The following DPH6 variants were observed in gnomAD, a reference collection of about 807,000 sequenced individuals.
DPH6 encodes the protein diphthamine biosynthesis 6, also known as diphthine--ammonia ligase.
DPH6 carries 33 observed loss-of-function variants against 38.2 expected under a neutral mutation model. The observed-to-expected ratio is 0.86, with a 90% CI of 0.65 to 1.15. The LOEUF (loss-of-function observed/expected upper bound fraction) is 1.15. Among genes scored for constraint, DPH6 ranks in the 50% most tolerant of loss-of-function variants. The pLI is 0.00. For missense variants in DPH6, 325 were observed against 320.0 expected (o/e 1.02, Z -0.12); for synonymous variants, 108 against 103.0 (o/e 1.05, Z -0.30).
At position 35,310,216 on chromosome 15, in the gene DPH6, T is replaced by A. The variant is rs545996103; in HGVS notation, n.200+63305A>T. Among the ~76,000 whole-genome samples the A allele has an allele frequency of 3.0e-4, 46 of 152,296 alleles. 1 individual carries two copies. The highest frequency in any genetic ancestry group is 1.1e-3 in the Admixed American group (17 of 15,294). On this transcript the variant is annotated intron_variant and non_coding_transcript_variant, in intron 3 of 3. Transcript: ENST00000560386. ...GACAGTGGGATTCATTTCACAAAAA[T>A]GGCATTTTTGCAAAATAATTGAAGC...
chr15:35,427,124 G>C lies in DPH6; in HGVS notation c.506-16228C>G, dbSNP rs78685762. Among the ~76,000 whole-genome samples, 508 of 151,982 alleles carry C rather than the reference G, an allele frequency of 3.3e-3. 14 individuals are homozygous for C. The East Asian group carries it at 0.087, about 26-fold the overall frequency. Reference sequence around the variant, plus strand: ...GGTAATGAGGACAGCAAGTAAAGAGGATGTGAGGTTTAGAGGATGTAAGAA... The same window carrying C: ...GGTAATGAGGACAGCAAGTAAAGAGCATGTGAGGTTTAGAGGATGTAAGAA... On this transcript the variant is annotated intron_variant, in intron 5 of 8. Transcript: ENST00000256538.
chr15:35,426,867 A>T (rs2053575954), intron 5 of DPH6, among the ~76,000 whole-genome samples: 2 of 134,788 alleles, frequency 1.5e-5, no homozygotes, highest in Non-Finnish European at 3.2e-5. Context: ...TGGATGGTTT[A>T]AAAAAAAAAA....
intron 3 of DPH6, among the ~76,000 whole-genome samples, chr15:35,295,093 C>T (rs150301132): frequency 5.9e-5 from 9 of 152,274 alleles, no homozygotes; most frequent in African/African-American, 1.4e-4. Context: ...CTCACCTCTA[C>T]GAACTAGCTA....
intron 3 of DPH6, among the ~76,000 whole-genome samples, chr15:35,228,989 G>A (rs1326904788): frequency 2.6e-5 from 4 of 152,008 alleles, no homozygotes; most frequent in African/African-American, 9.7e-5. Flanking sequence ...CTTTATCCTT[G>A]ACCTTTGAAA....
the DPH6 span, among the ~76,000 whole-genome samples, chr15:35,185,724 CTTTTTTTT>C: frequency 1.4e-3 from 118 of 83,026 alleles, 1 homozygote; most frequent in Non-Finnish European, 2.3e-3. Context: ...CCAATCCACT[CTTTTTTTT>C]TTTTTTTTTT....
At chr15:35,292,470 A>G (rs541604860) in intron 3 of DPH6, among the ~76,000 whole-genome samples, 1 of 152,280 alleles carries the variant, frequency 6.6e-6, no homozygotes, top group East Asian at 1.9e-4. Flanking sequence ...AATATTTGAT[A>G]TTATTTTCCC....
chr15:35,511,924 T>C (rs1264793544), intron 3 of DPH6, among the ~76,000 whole-genome samples: 1 of 152,186 alleles, frequency 6.6e-6, no homozygotes, highest in Non-Finnish European at 1.5e-5. Flanking sequence ...TATTATAATA[T>C]TTAATCCAGT....
intron 7 of DPH6, among the ~76,000 whole-genome samples, chr15:35,380,574 T>C (rs1307161155): frequency 6.6e-6 from 1 of 152,182 alleles, no homozygotes; most frequent in Admixed American, 6.5e-5. Context: ...GTTAGTCCTA[T>C]ATTAACAAGT....
intron 3 of DPH6, among the ~76,000 whole-genome samples, chr15:35,343,667 CTAACT>C (rs1257570848): frequency 1.3e-5 from 2 of 151,922 alleles, no homozygotes; most frequent in Non-Finnish European, 2.9e-5. Context: ...AGTTTAAAGG[CTAACT>C]TAACAAATAT....
At chr15:35,534,113 C>G (rs940363541) in intron 3 of DPH6, among the ~76,000 whole-genome samples, 6 of 152,042 alleles carry the variant, frequency 3.9e-5, no homozygotes, top group Admixed American at 3.9e-4. Context: ...AGCGGTGGCT[C>G]ATGCCTGTAA....
At chr15:35,213,107 ATAGCTAG>A (rs1387157598), downstream of DPH6, among the ~76,000 whole-genome samples, 2 of 152,220 alleles carry the variant, frequency 1.3e-5, no homozygotes, top group African/African-American at 4.8e-5. Context: ...CGTTTCATGT[ATAGCTAG>A]TCCTTATCTG....
At chr15:35,291,273 G>T (rs969937406) in intron 3 of DPH6, among the ~76,000 whole-genome samples, 1 of 152,088 alleles carries the variant, frequency 6.6e-6, no homozygotes, top group Non-Finnish European at 1.5e-5. Flanking sequence ...AACTTACATG[G>T]TGGACATTGT....
intron 3 of DPH6, among the ~76,000 whole-genome samples, chr15:35,227,198 T>TC (rs1191935768): frequency 1.4e-5 from 2 of 142,396 alleles, no homozygotes; most frequent in South Asian, 2.3e-4. Context: ...TTTTTTTTTT[T>TC]TTTGAGATGG....
At chr15:35,230,479 A>G (rs1245629849) in intron 3 of DPH6, among the ~76,000 whole-genome samples, 1 of 152,128 alleles carries the variant, frequency 6.6e-6, no homozygotes, top group Non-Finnish European at 1.5e-5. Context: ...GAAGTCCTGG[A>G]GTCCTGGGAG....
downstream of DPH6, among the ~76,000 whole-genome samples, chr15:35,214,128 G>C (rs1010850281): frequency 6.7e-6 from 1 of 148,496 alleles, no homozygotes; most frequent in African/African-American, 2.5e-5. Context: ...AAAAAAAAAA[G>C]GCTTAAAGAA....
chr15:35,487,717 C>T (rs888525034), intron 3 of DPH6, among the ~76,000 whole-genome samples: 1 of 152,238 alleles, frequency 6.6e-6, no homozygotes, highest in Non-Finnish European at 1.5e-5. Flanking sequence ...TTGGCATTAA[C>T]ATTCAGCTTC....
chr15:35,329,702 T>C (rs1040355995), downstream of DPH6, among the ~76,000 whole-genome samples: 6 of 152,186 alleles, frequency 3.9e-5, no homozygotes, highest in Admixed American at 2.6e-4. Context: ...TTGTGGTTTC[T>C]TCAGATGACA....
chr15:35,238,690 A>G (rs1237878419), intron 3 of DPH6, among the ~76,000 whole-genome samples: 1 of 152,220 alleles, frequency 6.6e-6, no homozygotes, highest in African/African-American at 2.4e-5. Context: ...ATACACACCC[A>G]GATGGCCTGA....
At chr15:35,295,176 C>T (rs1016906169) in intron 3 of DPH6, among the ~76,000 whole-genome samples, 1 of 152,176 alleles carries the variant, frequency 6.6e-6, no homozygotes, top group Non-Finnish European at 1.5e-5. Context: ...CAAAACTAAC[C>T]AGGCCCACAT....
Sources: gnomAD v4.1 joint callset for allele counts (sites outside exome capture counted in the v4.1 genomes callset) on GRCh38, gnomAD v4.1.1 for gene constraint, MANE v1.5 for transcripts, NCBI Gene and HGNC (gene_info 2026-07-23, HGNC 2026-07-21) for gene names.